The following PTPRO variants were observed in gnomAD, a reference collection of about 807,000 sequenced individuals.
PTPRO encodes protein tyrosine phosphatase receptor type O, also known as receptor-type tyrosine-protein phosphatase O.
Under a neutral mutation model 145.2 loss-of-function variants are expected in PTPRO, and 62 were observed. The observed-to-expected ratio is 0.43, with a 90% CI of 0.35 to 0.53. The LOEUF is 0.53. Among genes scored for constraint, PTPRO ranks in the 20% least tolerant of loss-of-function variants. The pLI is 0.01. For synonymous variants in PTPRO, 565 were observed against 514.7 expected (o/e 1.10, Z -1.32); for missense variants, 1,345 against 1,482.7 (o/e 0.91, Z 1.53).
chr12:15,583,971 C>T (rs902098305), intron 23 of PTPRO, among the ~76,000 whole-genome samples: 4 of 152,200 alleles, frequency 2.6e-5, no homozygotes, highest in Non-Finnish European at 5.9e-5. Context: ...CACATTGCTT[C>T]CTTGTTAAGC....
At chr12:15,536,461 G>C (rs558449084) in intron 12 of PTPRO, among the ~76,000 whole-genome samples, 1 of 152,312 alleles carries the variant, frequency 6.6e-6, no homozygotes, top group East Asian at 1.9e-4. Context: ...TCAAGGAAAA[G>C]TCAGGCAGGC....
At chr12:15,533,899 C>T (rs1943015751) in intron 12 of PTPRO, among the ~76,000 whole-genome samples, 1 of 152,086 alleles carries the variant, frequency 6.6e-6, no homozygotes, top group Non-Finnish European at 1.5e-5. Context: ...TGAATGACTC[C>T]TGTGTCATGG....
intron 12 of PTPRO, among the ~76,000 whole-genome samples, chr12:15,544,899 C>T (rs1258244693): frequency 6.6e-6 from 1 of 152,188 alleles, no homozygotes; most frequent in Non-Finnish European, 1.5e-5. Flanking sequence ...GGGCTCCTGA[C>T]ACCTATTGTG....
chr12:15,365,035 T>C (rs1397466211), intron 1 of PTPRO, among the ~76,000 whole-genome samples: 1 of 152,224 alleles, frequency 6.6e-6, no homozygotes, highest in Non-Finnish European at 1.5e-5. Context: ...GACTCATTTT[T>C]CTTTTCACAA....
chr12:15,392,865 C>T (rs557672674), intron 1 of PTPRO, among the ~76,000 whole-genome samples: 32 of 152,172 alleles, frequency 2.1e-4, no homozygotes, highest in Non-Finnish European at 7.4e-5. Context: ...GGCTTGCTGA[C>T]ATCCACAGGA....
chr12:15,411,669 T>C (rs1001155382), intron 1 of PTPRO, among the ~76,000 whole-genome samples: 1 of 152,250 alleles, frequency 6.6e-6, no homozygotes, highest in Non-Finnish European at 1.5e-5. Flanking sequence ...GCCGGACTTA[T>C]TTGATATTTA....
intron 1 of PTPRO, among the ~76,000 whole-genome samples, chr12:15,373,890 A>G (rs1326797584): frequency 2.6e-5 from 4 of 152,090 alleles, no homozygotes; most frequent in Non-Finnish European, 5.9e-5. Flanking sequence ...CTATGACCTT[A>G]TTTTAAAATG....
intron 1 of PTPRO, among the ~76,000 whole-genome samples, chr12:15,352,383 G>C (rs1216849756): frequency 6.6e-6 from 1 of 152,166 alleles, no homozygotes; most frequent in Non-Finnish European, 1.5e-5. Context: ...AGGCGTGGTG[G>C]CTCAAGCCTG....
At chr12:15,325,307 A>C (rs1866414208) in intron 1 of PTPRO, among the ~76,000 whole-genome samples, 1 of 152,196 alleles carries the variant, frequency 6.6e-6, no homozygotes, top group Non-Finnish European at 1.5e-5. Flanking sequence ...GGAAAGTTTG[A>C]ATGTGTATGA....
intron 1 of PTPRO, among the ~76,000 whole-genome samples, chr12:15,425,133 C>G (rs1244887474): frequency 6.6e-6 from 1 of 152,080 alleles, no homozygotes; most frequent in Admixed American, 6.6e-5. Flanking sequence ...GAGTAGTCAT[C>G]CTTTGTCATT....
At chr12:15,489,503 A>G (rs903898640) in intron 2 of PTPRO, among the ~76,000 whole-genome samples, 5 of 152,190 alleles carry the variant, frequency 3.3e-5, no homozygotes, top group Admixed American at 6.6e-5. Context: ...CTTTTAGACC[A>G]TATAGAGTAA....
intron 12 of PTPRO, among the ~76,000 whole-genome samples, chr12:15,534,505 C>T (rs187339272): frequency 1.2e-3 from 184 of 152,228 alleles, no homozygotes; most frequent in Admixed American, 2.6e-3. Flanking sequence ...AGCTTATGAT[C>T]TAGTGAAGGG....
At chr12:15,400,139 C>G (rs1401860229) in intron 1 of PTPRO, among the ~76,000 whole-genome samples, 1 of 149,912 alleles carries the variant, frequency 6.7e-6, no homozygotes, top group African/African-American at 2.4e-5. Context: ...TACAGACATG[C>G]GCCACCACGC....
intron 12 of PTPRO, among the ~76,000 whole-genome samples, chr12:15,539,794 A>G (rs1011599399): frequency 1.7e-4 from 21 of 124,566 alleles, no homozygotes; most frequent in South Asian, 5.4e-4. Flanking sequence ...AAAAAAAAAA[A>G]AGAATATAGT....
intron 12 of PTPRO, among the ~76,000 whole-genome samples, chr12:15,529,671 A>G (rs1299316706): frequency 6.6e-6 from 1 of 152,122 alleles, no homozygotes; most frequent in Non-Finnish European, 1.5e-5. Flanking sequence ...AAATAAATAA[A>G]TAAACTTGTT....
chr12:15,392,720 C>CAAAAAAAAAAAAAA (rs1177789187), intron 1 of PTPRO, among the ~76,000 whole-genome samples: 5 of 66,672 alleles, frequency 7.5e-5, no homozygotes, highest in South Asian at 7.6e-4. Flanking sequence ...GACCCTGTCT[C>CAAAAAAAAAAAAAA]AAAAAAAAAA....
intron 1 of PTPRO, among the ~76,000 whole-genome samples, chr12:15,469,324 T>C (rs1454925498): frequency 6.6e-6 from 1 of 152,126 alleles, no homozygotes; most frequent in Non-Finnish European, 1.5e-5. Flanking sequence ...GGGTGCTTCA[T>C]TTTATGAAAA....
intron 1 of PTPRO, among the ~76,000 whole-genome samples, chr12:15,480,089 A>T (rs929423673): frequency 5.3e-5 from 8 of 152,150 alleles, no homozygotes; most frequent in East Asian, 3.9e-4. Context: ...GATTTTTTTT[A>T]AAAAAGGCCT....
At chr12:15,410,010 G>A (rs1301663386) in intron 1 of PTPRO, among the ~76,000 whole-genome samples, 2 of 152,278 alleles carry the variant, frequency 1.3e-5, no homozygotes, top group East Asian at 3.9e-4. Context: ...TAGGGCAAGG[G>A]AGTAGGAGAG....
Sources: allele counts gnomAD v4.1 joint callset (sites outside exome capture counted in the v4.1 genomes callset), GRCh38; gene constraint gnomAD v4.1.1; transcripts MANE v1.5; gene names NCBI Gene and HGNC (gene_info 2026-07-23, HGNC 2026-07-21).